Variants in PDE11A observed in about 807,000 individuals in gnomAD.
PDE11A encodes the protein dual 3',5'-cyclic-AMP and -GMP phosphodiesterase 11A.
A neutral mutation model predicts 100.5 loss-of-function variants in PDE11A; 100 were observed. The ratio of observed to expected loss-of-function variants is 1.00; its 90% CI spans 0.85 to 1.18. The LOEUF is 1.18. Ranked by LOEUF, PDE11A falls within the 50% of genes most tolerant of loss-of-function variation. The pLI is 0.00. For synonymous variants in PDE11A, 381 were observed against 420.8 expected (o/e 0.91, Z 1.16); for missense variants, 1,141 against 1,152.6 (o/e 0.99, Z 0.15).
intron 5 of PDE11A, among the ~76,000 whole-genome samples, chr2:177,845,412 C>G (rs560987922): frequency 3.3e-5 from 5 of 150,374 alleles, no homozygotes; most frequent in African/African-American, 1.2e-4. Context: ...GGCAGAGGCG[C>G]TCCCCACATC....
intron 1 of PDE11A, among the ~76,000 whole-genome samples, chr2:178,106,766 C>T (rs2087622220): frequency 6.6e-6 from 1 of 151,956 alleles, no homozygotes; most frequent in Non-Finnish European, 1.5e-5. Flanking sequence ...TCGAGACCAG[C>T]CTGGCCAACA....
chr2:178,093,541 C>T (rs1278623541), intron 2 of PDE11A, among the ~76,000 whole-genome samples: 4 of 152,056 alleles, frequency 2.6e-5, no homozygotes, highest in Admixed American at 1.3e-4. Flanking sequence ...TCAAAAAGAA[C>T]ATGGAGAAAG....
intron 9 of PDE11A, among the ~76,000 whole-genome samples, chr2:177,801,328 T>C (rs2082790815): frequency 6.6e-6 from 1 of 152,206 alleles, no homozygotes. Flanking sequence ...TACTAGAATA[T>C]AAGGTTCATG....
At chr2:178,093,970 C>T (rs1458245127) in intron 2 of PDE11A, among the ~76,000 whole-genome samples, 1 of 100,404 alleles carries the variant, frequency 1.0e-5, no homozygotes, top group Non-Finnish European at 2.2e-5. Context: ...AAACATAAAC[C>T]CATAAACGCT....
chr2:177,920,640 C>T (rs921383209), intron 2 of PDE11A, among the ~76,000 whole-genome samples: 1 of 152,106 alleles, frequency 6.6e-6, no homozygotes, highest in South Asian at 2.1e-4. Flanking sequence ...TTAAAAAGTA[C>T]AGGCCCTTTG....
chr2:177,787,816 T>A (rs62184502), intron 9 of PDE11A, among the ~76,000 whole-genome samples: 13,316 of 152,144 alleles, frequency 0.088, 735 homozygotes, highest in Non-Finnish European at 0.13. Flanking sequence ...GGTAAAGGGA[T>A]CAATTCAACA....
At chr2:177,961,431 A>G (rs2085631170) in intron 2 of PDE11A, among the ~76,000 whole-genome samples, 1 of 152,166 alleles carries the variant, frequency 6.6e-6, no homozygotes, top group Non-Finnish European at 1.5e-5. Context: ...AAATAACTGT[A>G]TGACATTTCT....
At chr2:178,021,185 C>T (rs570566555) in intron 1 of PDE11A, among the ~76,000 whole-genome samples, 2 of 152,220 alleles carry the variant, frequency 1.3e-5, no homozygotes, top group African/African-American at 4.8e-5. Context: ...TGGTCTCGAA[C>T]TCCTGACCTC....
At chr2:177,634,386 C>CTT (rs758752342) in intron 19 of PDE11A, among the ~76,000 whole-genome samples, 44 of 59,380 alleles carry the variant, frequency 7.4e-4, no homozygotes, top group Middle Eastern at 9.3e-3. Context: ...CTTTTTCTCT[C>CTT]TCTCTTTTTT....
In PDE11A at chr2:177,735,853, G is replaced by A. The variant is rs139987524; in HGVS notation, c.1789-7681C>T. Among the ~76,000 whole-genome samples the A allele has an allele frequency of 7.9e-4, 121 of 152,240 alleles. 1 individual carries two copies. In the South Asian group the frequency reaches 0.013, roughly 16 times the overall value. On this transcript the variant is annotated intron_variant, in intron 10 of 19. Coordinates refer to ENST00000286063, the MANE Select transcript of PDE11A (RefSeq NM_016953.4). ...CTGTCCATGCCAGGTTGGCTCCCTT[G>A]ACCCCTGGTAGTGACCAGTCTCCAT...
intron 2 of PDE11A, among the ~76,000 whole-genome samples, chr2:177,913,438 A>G (rs920711201): frequency 6.6e-6 from 1 of 152,166 alleles, no homozygotes; most frequent in African/African-American, 2.4e-5. Context: ...AACAATATAA[A>G]CACATTTACT....
intron 9 of PDE11A, among the ~76,000 whole-genome samples, chr2:177,782,636 C>T (rs1039642366): frequency 6.6e-6 from 1 of 152,180 alleles, no homozygotes; most frequent in Non-Finnish European, 1.5e-5. Flanking sequence ...ATAATCATCA[C>T]ACTAAATGTG....
chr2:177,685,823 T>C (rs909419705), intron 15 of PDE11A, among the ~76,000 whole-genome samples: 1 of 152,192 alleles, frequency 6.6e-6, no homozygotes, highest in Non-Finnish European at 1.5e-5. Flanking sequence ...TGCCTCGGCC[T>C]CCCATAGTGC....
intron 18 of PDE11A, among the ~76,000 whole-genome samples, chr2:177,667,276 T>C (rs1333210213): frequency 6.6e-6 from 1 of 152,196 alleles, no homozygotes; most frequent in Non-Finnish European, 1.5e-5. Context: ...TGGGTCATTT[T>C]GTCTTTTGTC....
chr2:178,048,715 G>A (rs1003783867), intron 1 of PDE11A, among the ~76,000 whole-genome samples: 2 of 152,156 alleles, frequency 1.3e-5, no homozygotes, highest in African/African-American at 4.8e-5. Context: ...GCTTGGGAGG[G>A]TAGGTTTATC....
intron 2 of PDE11A, among the ~76,000 whole-genome samples, chr2:177,911,293 T>A (rs923774862): frequency 7.9e-5 from 12 of 152,220 alleles, no homozygotes; most frequent in African/African-American, 2.9e-4. Context: ...CAGAGCATTT[T>A]TAGGAATATA....
intron 1 of PDE11A, 129 bp downstream of exon 1, chr2:178,071,397 G>A (rs1385538293): frequency 1.7e-6 from 2 of 1,155,322 alleles, no homozygotes; most frequent in East Asian, 2.4e-5. Flanking sequence ...CTAAACTCGG[G>A]AATTTAAATA....
intron 9 of PDE11A, among the ~76,000 whole-genome samples, chr2:177,788,344 A>T (rs1162840704): frequency 6.9e-6 from 1 of 145,224 alleles, no homozygotes; most frequent in Non-Finnish European, 1.5e-5. Context: ...AACCAACGAG[A>T]ACAAAGACAC....
chr2:177,624,394 A>G lies in PDE11A; in HGVS notation c.*5013T>C, dbSNP rs2079803628. The G allele has an allele frequency of 6.6e-6, 1 of 151,974 alleles. No individual in the cohort carries two copies. Among genetic ancestry groups the G allele is most frequent in the African/African-American group, 2.4e-5 (1 of 41,384 alleles). 9.4% of individuals were successfully genotyped at this position (151,974 alleles called of 1,614,324 possible). A position where few individuals can be genotyped will look rare whatever the true frequency, so the allele number is the denominator to read the frequency against. On this transcript the variant is annotated 3_prime_UTR_variant, in exon 20 of 20. Coordinates refer to ENST00000286063, the MANE Select transcript of PDE11A (RefSeq NM_016953.4). Reference sequence around the variant, plus strand: ...TGAAACTGGTTTTTGTCTTTCTGCAATTTCTAAGAGTCAGCAGGAAAAATA... The same window carrying G: ...TGAAACTGGTTTTTGTCTTTCTGCAGTTTCTAAGAGTCAGCAGGAAAAATA...
Sources: gnomAD v4.1 joint callset for allele counts (sites outside exome capture counted in the v4.1 genomes callset) on GRCh38, gnomAD v4.1.1 for gene constraint, MANE v1.5 for transcripts, NCBI Gene and HGNC (gene_info 2026-07-23, HGNC 2026-07-21) for gene names.